The following PPM1L variants were observed in gnomAD, a reference collection of about 807,000 sequenced individuals.
PPM1L encodes protein phosphatase, Mg2+/Mn2+ dependent 1L, also known as protein phosphatase 1L.
In PPM1L, 13 loss-of-function variants were observed where a neutral mutation model predicts 31.4. The observed-to-expected ratio is 0.41, with a 90% CI of 0.27 to 0.66. The LOEUF (loss-of-function observed/expected upper bound fraction) is 0.66, where lower values mean the gene tolerates loss of function less well. Among genes scored for constraint, PPM1L ranks in the 30% least tolerant of loss-of-function variants. PPM1L has a pLI of 0.29. For synonymous variants in PPM1L, 184 were observed against 175.4 expected (o/e 1.05, Z -0.39); for missense variants, 326 against 453.7 (o/e 0.72, Z 2.56).
chr3:160,772,729 C>A (rs957263438), intron 1 of PPM1L, among the ~76,000 whole-genome samples: 2 of 152,170 alleles, frequency 1.3e-5, no homozygotes, highest in African/African-American at 4.8e-5. Flanking sequence ...TCCTACCCTT[C>A]TCCTTCATCT....
chr3:160,970,787 A>ATTTTTTTT lies in PPM1L; in HGVS notation c.574+8892_574+8899dup, dbSNP rs71628437. Among the ~76,000 whole-genome samples the ATTTTTTTT allele has an allele frequency of 1.5e-4, 15 of 97,164 alleles. 1 individual carries two copies. Among genetic ancestry groups the ATTTTTTTT allele is most frequent in the African/African-American group, 6.3e-4 (14 of 22,354 alleles). 63.7% of individuals were successfully genotyped at this position (97,164 alleles called of 152,430 possible). A position where few individuals can be genotyped will look rare whatever the true frequency, so the allele number is the denominator to read the frequency against. ...CAAGCTGATTTTAATTTCAGTTATA[A>ATTTTTTTT]TTTTTTTTTTTTTTTTTTTTTTGAG... On this transcript the variant is annotated intron_variant, in intron 2 of 3. Transcript: ENST00000498165.
chr3:160,920,613 T>TCACACA (rs1342261518), intron 1 of PPM1L, among the ~76,000 whole-genome samples: 12 of 26,978 alleles, frequency 4.4e-4, no homozygotes, highest in East Asian at 3.1e-3. Context: ...TCTCTCTCTC[T>TCACACA]CTCACACACA....
intron 1 of PPM1L, 66 bp from the exon 2 acceptor site, chr3:160,961,670 G>A: frequency 3.6e-6 from 5 of 1,405,256 alleles, no homozygotes; most frequent in Non-Finnish European, 4.8e-6. Flanking sequence ...GCACCTGAGG[G>A]TAAGTAAAAA....
At chr3:160,935,333 C>A (rs557009037) in intron 1 of PPM1L, among the ~76,000 whole-genome samples, 6 of 152,188 alleles carry the variant, frequency 3.9e-5, no homozygotes, top group Non-Finnish European at 7.3e-5. Context: ...ACTTAATCTT[C>A]TTTAAAGAAT....
chr3:160,810,852 G>A (rs1712783020), intron 1 of PPM1L, among the ~76,000 whole-genome samples: 1 of 152,162 alleles, frequency 6.6e-6, no homozygotes, highest in Non-Finnish European at 1.5e-5. Context: ...ACATCTGTTA[G>A]GTTGACTTGA....
At chr3:161,006,196 T>C (rs1717699208) in intron 2 of PPM1L, among the ~76,000 whole-genome samples, 1 of 152,226 alleles carries the variant, frequency 6.6e-6, no homozygotes, top group African/African-American at 2.4e-5. Context: ...TCTTGTTAAA[T>C]GCTGCAACAT....
chr3:160,800,745 CCT>C (rs1388294899), intron 1 of PPM1L, among the ~76,000 whole-genome samples: 1 of 152,134 alleles, frequency 6.6e-6, no homozygotes, highest in Admixed American at 6.5e-5. Flanking sequence ...TGGTTCTTCA[CCT>C]CTGATTCTGC....
chr3:161,040,834 A>T (rs1305867072), intron 2 of PPM1L, among the ~76,000 whole-genome samples: 1 of 152,192 alleles, frequency 6.6e-6, no homozygotes, highest in African/African-American at 2.4e-5. Context: ...GCATAACATT[A>T]CAAGACAATT....
intron 1 of PPM1L, among the ~76,000 whole-genome samples, chr3:160,769,915 A>C (rs1054860935): frequency 6.6e-6 from 1 of 152,236 alleles, no homozygotes; most frequent in African/African-American, 2.4e-5. Context: ...TCTAGGCTAC[A>C]GTGAGAAGAG....
intron 1 of PPM1L, among the ~76,000 whole-genome samples, chr3:160,894,775 C>G (rs7629374): frequency 0.83 from 125,659 of 152,150 alleles, 52,078 homozygotes; most frequent in Middle Eastern, 0.89. Context: ...TCAGTTTTTT[C>G]CATAAAAAGT....
At chr3:160,936,032 C>G (rs886581955) in intron 1 of PPM1L, among the ~76,000 whole-genome samples, 26 of 152,032 alleles carry the variant, frequency 1.7e-4, no homozygotes, top group African/African-American at 5.1e-4. Flanking sequence ...TGAAGTGGGT[C>G]GTTGTTCTAG....
chr3:160,981,766 T>TTATC (rs1238343759), intron 2 of PPM1L, among the ~76,000 whole-genome samples: 1 of 150,772 alleles, frequency 6.6e-6, no homozygotes, highest in East Asian at 1.9e-4. Context: ...ATTTATTTAT[T>TTATC]TATTTATTTT....
At position 160,771,543 on chromosome 3, in the gene PPM1L, C is replaced by CTTTT. The variant is rs745978148; in HGVS notation, c.399+14860_399+14863dup. On this transcript the variant is annotated intron_variant, in intron 1 of 3. Coordinates refer to ENST00000498165, the MANE Select transcript of PPM1L (RefSeq NM_139245.4). ...TAGTCACGAGCCACCAAGGCTGGCTCTTTTTTTTTTTTTTTTTTTTTTTTT... is the reference window on the plus strand; with the variant it reads ...TAGTCACGAGCCACCAAGGCTGGCTCTTTTTTTTTTTTTTTTTTTTTTTTTTTTT... Among the ~76,000 whole-genome samples the CTTTT allele has an allele frequency of 2.5e-3, 192 of 77,352 alleles. 15 individuals carry two copies. The highest frequency in any genetic ancestry group is 7.4e-3 in the African/African-American group (160 of 21,580). 50.7% of individuals were successfully genotyped at this position (77,352 alleles called of 152,430 possible). A position where few individuals can be genotyped will look rare whatever the true frequency, so the allele number is the denominator to read the frequency against.
At chr3:160,869,714 A>ATGTG (rs1434240245) in intron 1 of PPM1L, among the ~76,000 whole-genome samples, 1 of 85,626 alleles carries the variant, frequency 1.2e-5, no homozygotes, top group African/African-American at 3.6e-5. Context: ...CTTTGGTGCA[A>ATGTG]TGTATGTGTG....
intron 1 of PPM1L, among the ~76,000 whole-genome samples, chr3:160,916,203 A>T (rs550265212): frequency 1.3e-5 from 2 of 152,182 alleles, no homozygotes; most frequent in Admixed American, 1.3e-4. Context: ...GAACTCAAAC[A>T]AATTTACAAG....
chr3:161,035,448 T>C (rs1267871428), intron 2 of PPM1L, among the ~76,000 whole-genome samples: 1 of 152,236 alleles, frequency 6.6e-6, no homozygotes, highest in Non-Finnish European at 1.5e-5. Flanking sequence ...TAGAAAGTGC[T>C]TTTGACTGTA....
chr3:160,816,629 G>A (rs888978948), intron 1 of PPM1L, among the ~76,000 whole-genome samples: 1 of 151,888 alleles, frequency 6.6e-6, no homozygotes, highest in African/African-American at 2.4e-5. Flanking sequence ...TTCAGTGGAG[G>A]AAAACCCAAG....
chr3:160,907,523 C>T (rs1713804261), intron 1 of PPM1L, among the ~76,000 whole-genome samples: 6 of 152,084 alleles, frequency 3.9e-5, no homozygotes, highest in Admixed American at 3.9e-4. Flanking sequence ...TGTACTTCTT[C>T]ATTTCTCTTG....
chr3:160,826,154 A>G (rs1713351073), intron 1 of PPM1L, among the ~76,000 whole-genome samples: 1 of 152,144 alleles, frequency 6.6e-6, no homozygotes, highest in Non-Finnish European at 1.5e-5. Context: ...CATTATTTTC[A>G]GACACGACTT....
Sources: gnomAD v4.1 joint callset for allele counts (sites outside exome capture counted in the v4.1 genomes callset) on GRCh38, gnomAD v4.1.1 for gene constraint, MANE v1.5 for transcripts, NCBI Gene and HGNC (gene_info 2026-07-23, HGNC 2026-07-21) for gene names.